PATJ: variants seen among roughly 807,000 people sequenced by gnomAD.
PATJ encodes inaD-like protein.
In PATJ, 190 loss-of-function variants were observed where a neutral mutation model predicts 224.9. That is an observed-to-expected ratio of 0.84 (90% CI 0.75 to 0.95). PATJ has a LOEUF of 0.95. PATJ is among the 40% of genes least tolerant of loss of function. The probability of loss-of-function intolerance (pLI) is 0.00; values close to 1 mark genes in which losing one functional copy is unlikely to be tolerated. For synonymous variants in PATJ, 769 were observed against 820.3 expected (o/e 0.94, Z 1.07); for missense variants, 2,121 against 2,270.3 (o/e 0.93, Z 1.34).
chr1:61,875,299 C>A lies in PATJ; in HGVS notation c.2892C>A (p.Asn964Lys). The part of the protein sequence containing the change: ...SLPSVPSTEG[N>K]SQQGRFDDLE... ...CATCTGTACCATCAACTGAAGGAAA[C>A]AGTCAACAAGGCAGATTTGACGACC... The change falls in exon 21 of 44, where the codon AAC becomes AAA. Residue 964 changes from asparagine (N) to lysine (K), a missense_variant. Asn to Lys is a moderately conservative substitution (Grantham distance 94). Coordinates refer to ENST00000642238, the MANE Select transcript of PATJ (RefSeq NM_001350145.3). The A allele has an allele frequency of 6.2e-7, 1 of 1,608,900 alleles. No individual in the cohort carries two copies. The highest frequency in any genetic ancestry group is 1.1e-5 in the South Asian group (1 of 90,790).
intron 31 of PATJ, 129 bp downstream of exon 31, chr1:62,051,187 G>A (rs1389082711): frequency 1.4e-6 from 1 of 695,456 alleles, no homozygotes; most frequent in Non-Finnish European, 2.5e-6. Flanking sequence ...GAGACAAGAA[G>A]CTATTATATG....
At chr1:61,999,255 G>A (rs936114036) in intron 28 of PATJ, among the ~76,000 whole-genome samples, 6 of 152,146 alleles carry the variant, frequency 3.9e-5, no homozygotes, top group Admixed American at 6.5e-5. Context: ...CCTTTGTCCA[G>A]CGCTTTCCCA....
At chr1:61,825,498 G>A (rs980895362) in intron 15 of PATJ, among the ~76,000 whole-genome samples, 2 of 149,776 alleles carry the variant, frequency 1.3e-5, no homozygotes, top group African/African-American at 4.8e-5. Flanking sequence ...TGAACTCAAA[G>A]TGTCGTGTGT....
chr1:61,769,462 T>G (rs1170416425), intron 5 of PATJ, 40 bp downstream of exon 5: 1 of 1,581,390 alleles, frequency 6.3e-7, no homozygotes. Context: ...AATTGTTTCC[T>G]GATAATTCTG....
chr1:61,990,624 T>C lies in PATJ; in HGVS notation c.3867+260T>C, dbSNP rs148159258. On this transcript the variant is annotated intron_variant, in intron 28 of 43. Coordinates refer to ENST00000642238, the MANE Select transcript of PATJ (RefSeq NM_001350145.3). Reference sequence around the variant, plus strand: ...TGGAAACATATTAAAACCTTTGTTTTTAATATCAATTTTTAAGTATTCAAA... The same window carrying C: ...TGGAAACATATTAAAACCTTTGTTTCTAATATCAATTTTTAAGTATTCAAA... Among the ~76,000 whole-genome samples the C allele has an allele frequency of 2.6e-3, 390 of 152,336 alleles. 2 individuals are homozygous for C. Among genetic ancestry groups the C allele is most frequent in the African/African-American group, 8.9e-3 (368 of 41,572 alleles).
At chr1:61,859,582 T>G (rs1191051437) in intron 18 of PATJ, among the ~76,000 whole-genome samples, 1 of 151,908 alleles carries the variant, frequency 6.6e-6, no homozygotes, top group Non-Finnish European at 1.5e-5. Context: ...TCTCTCATAG[T>G]AAAATTGACG....
intron 28 of PATJ, among the ~76,000 whole-genome samples, chr1:61,998,703 A>G (rs1035934948): frequency 1.3e-5 from 2 of 152,168 alleles, no homozygotes; most frequent in African/African-American, 2.4e-5. Context: ...CAGTTCCTTC[A>G]TAGAGTTCGA....
chr1:61,869,232 A>C (rs574548634), intron 20 of PATJ, among the ~76,000 whole-genome samples: 5 of 146,184 alleles, frequency 3.4e-5, no homozygotes, highest in African/African-American at 1.0e-4. Flanking sequence ...TCAGCCTCCC[A>C]AGTAGCTGGG....
chr1:62,118,671 C>T (rs1664717391), intron 37 of PATJ, among the ~76,000 whole-genome samples: 1 of 151,904 alleles, frequency 6.6e-6, no homozygotes, highest in Admixed American at 6.6e-5. Context: ...ACTCTGTTGC[C>T]CAGGTTGGAG....
chr1:62,073,093 A>G (rs1402540709), intron 31 of PATJ: 2 of 985,352 alleles, frequency 2.0e-6, no homozygotes, highest in Non-Finnish European at 2.4e-6. Context: ...CCCACCTGAC[A>G]ATGTACATAA....
intron 41 of PATJ, among the ~76,000 whole-genome samples, chr1:62,140,292 G>A: frequency 6.6e-6 from 1 of 152,182 alleles, no homozygotes; most frequent in Admixed American, 6.5e-5. Context: ...GGTTTTAGAG[G>A]GATGTGAGTT....
intron 31 of PATJ, among the ~76,000 whole-genome samples, chr1:62,070,614 G>T (rs1209197488): frequency 6.6e-6 from 1 of 152,208 alleles, no homozygotes; most frequent in Admixed American, 6.5e-5. Context: ...CCACCCAGGG[G>T]CTAAGGGAAG....
intron 27 of PATJ, among the ~76,000 whole-genome samples, chr1:61,941,938 T>A (rs868079397): frequency 5.9e-4 from 90 of 152,324 alleles, no homozygotes; most frequent in African/African-American, 2.1e-3. Context: ...CAAATGTCAG[T>A]CTTGTTTGAA....
chr1:62,114,389 C>G, intron 35 of PATJ, 143 bp downstream of exon 35: 2 of 769,784 alleles, frequency 2.6e-6, no homozygotes, highest in Non-Finnish European at 4.1e-6. Flanking sequence ...CAACATGGGT[C>G]ATATTTCTGA....
chr1:61,768,008 T>C (rs1232711849), intron 4 of PATJ, among the ~76,000 whole-genome samples: 4 of 152,082 alleles, frequency 2.6e-5, no homozygotes, highest in Non-Finnish European at 5.9e-5. Context: ...ATTATTTTTA[T>C]GTGGTGCTTT....
chr1:61,794,754 G>A (rs1331744498), intron 9 of PATJ, among the ~76,000 whole-genome samples: 6 of 152,008 alleles, frequency 3.9e-5, no homozygotes, highest in Admixed American at 2.0e-4. Flanking sequence ...TTGGGAGGCC[G>A]AGGTGGGCGG....
intron 21 of PATJ, among the ~76,000 whole-genome samples, chr1:61,879,867 C>G (rs1024710241): frequency 6.7e-6 from 1 of 150,038 alleles, no homozygotes; most frequent in Non-Finnish European, 1.5e-5. Context: ...TAGATAGAGT[C>G]TCACTCTGTC....
intron 14 of PATJ, among the ~76,000 whole-genome samples, chr1:61,813,334 C>CATATATATAGATAT (rs1557689787): frequency 4.8e-5 from 3 of 63,064 alleles, no homozygotes; most frequent in Admixed American, 2.1e-4. Flanking sequence ...ATGGAATGTA[C>CATATATATAGATAT]ATATATATAT....
At chr1:61,854,323 A>G (rs888258683) in intron 17 of PATJ, among the ~76,000 whole-genome samples, 1 of 152,188 alleles carries the variant, frequency 6.6e-6, no homozygotes, top group Non-Finnish European at 1.5e-5. Flanking sequence ...TAATGAAACA[A>G]TGGGAGAAGC....
Sources: allele counts gnomAD v4.1 joint callset (sites outside exome capture counted in the v4.1 genomes callset), GRCh38; gene constraint gnomAD v4.1.1; transcripts MANE v1.5; gene names NCBI Gene and HGNC (gene_info 2026-07-23, HGNC 2026-07-21).